The following MAP4K4 variants were observed in gnomAD, a reference collection of about 807,000 sequenced individuals.
MAP4K4 encodes the protein HPK/GCK-like kinase HGK.
A neutral mutation model predicts 189.6 loss-of-function variants in MAP4K4; 38 were observed. That is an observed-to-expected ratio of 0.20 (90% CI 0.15 to 0.26). MAP4K4 has a LOEUF of 0.26. MAP4K4 is among the 10% of genes least tolerant of loss of function. The probability of loss-of-function intolerance (pLI) is 1.00; values close to 1 mark genes in which losing one functional copy is unlikely to be tolerated. For synonymous variants in MAP4K4, 610 were observed against 624.3 expected, an observed-to-expected ratio of 0.98 and a Z score of 0.34; for missense variants, 1,054 against 1,726.9, an observed-to-expected ratio of 0.61 and a Z score of 6.91.
At chr2:101,776,546 A>G (rs2084228371) in intron 2 of MAP4K4, among the ~76,000 whole-genome samples, 1 of 151,558 alleles carries the variant, frequency 6.6e-6, no homozygotes, top group Non-Finnish European at 1.5e-5. Flanking sequence ...GGAATGTTCA[A>G]TTAAAAAGAC....
chr2:101,773,976 G>C (rs2082700514), intron 2 of MAP4K4, among the ~76,000 whole-genome samples: 1 of 152,128 alleles, frequency 6.6e-6, no homozygotes, highest in African/African-American at 2.4e-5. Flanking sequence ...TGGACACTTA[G>C]GTTGCTTCCA....
chr2:101,820,163 G>A (rs562543436), intron 3 of MAP4K4, among the ~76,000 whole-genome samples: 5 of 152,142 alleles, frequency 3.3e-5, no homozygotes, highest in Admixed American at 2.6e-4. Flanking sequence ...GAACCTAGTC[G>A]AATTATTTTA....
In MAP4K4 at chr2:101,747,413, C is replaced by T. The variant is rs889291371; in HGVS notation, c.124-43307C>T. On this transcript the variant is annotated intron_variant, in intron 2 of 32. Coordinates refer to ENST00000324219, the Ensembl canonical transcript of MAP4K4. Reference sequence around the variant, plus strand: ...GATTACATGCGTGAGTCACCATGCCCGGCCTTGTGTCCGTATTCTTAGTCA... The same window carrying T: ...GATTACATGCGTGAGTCACCATGCCTGGCCTTGTGTCCGTATTCTTAGTCA... Among the ~76,000 whole-genome samples the T allele has an allele frequency of 6.6e-5, 10 of 152,092 alleles. No homozygotes were observed. In the East Asian group the frequency reaches 1.5e-3, roughly 23 times the overall value.
At chr2:101,869,509 T>C (rs2097918173) in intron 21 of MAP4K4, 113 bp from the exon 22 acceptor site, 2 of 775,704 alleles carry the variant, frequency 2.6e-6, no homozygotes, top group East Asian at 5.4e-5. Flanking sequence ...ACTGGGTAAC[T>C]ATAAAAGTCT....
intron 25 of MAP4K4, 26 bp downstream of exon 25, chr2:101,873,790 A>AGCT: frequency 6.7e-7 from 1 of 1,498,442 alleles, no homozygotes; most frequent in Non-Finnish European, 9.3e-7. Context: ...ACAAGAAAGC[A>AGCT]GCTGACAAAT....
chr2:101,710,204 T>C (rs2044638669), intron 2 of MAP4K4, among the ~76,000 whole-genome samples: 2 of 152,214 alleles, frequency 1.3e-5, no homozygotes, highest in Non-Finnish European at 2.9e-5. Flanking sequence ...TGTGTACATT[T>C]AAGTGACACA....
intron 2 of MAP4K4, among the ~76,000 whole-genome samples, chr2:101,781,676 C>G (rs979538028): frequency 6.6e-6 from 1 of 152,234 alleles, no homozygotes; most frequent in African/African-American, 2.4e-5. Flanking sequence ...GCTCCCAACA[C>G]TGTTGCATTG....
intron 3 of MAP4K4, among the ~76,000 whole-genome samples, chr2:101,805,483 A>C (rs143866991): frequency 5.2e-4 from 79 of 152,324 alleles, no homozygotes; most frequent in Admixed American, 1.1e-3. Flanking sequence ...GTGTCCCACT[A>C]ACATCCAAGT....
intron 12 of MAP4K4, among the ~76,000 whole-genome samples, chr2:101,852,585 CGTATCCTGTTT>C (rs2097321384): frequency 6.6e-6 from 1 of 151,986 alleles, no homozygotes; most frequent in Non-Finnish European, 1.5e-5. Context: ...TTTTATATAG[CGTATCCTGTTT>C]GTAAGATGTT....
intron 2 of MAP4K4, among the ~76,000 whole-genome samples, chr2:101,769,044 GAGAA>G (rs1157535642): frequency 2.0e-5 from 3 of 152,228 alleles, no homozygotes; most frequent in Non-Finnish European, 1.5e-5. Flanking sequence ...ACTTTTAGAT[GAGAA>G]AGAAAACCTT....
chr2:101,881,232 T>C (rs2098380956), intron 27 of MAP4K4, among the ~76,000 whole-genome samples: 1 of 152,238 alleles, frequency 6.6e-6, no homozygotes, highest in Non-Finnish European at 1.5e-5. Flanking sequence ...TTTTAAGTAC[T>C]AGTATAAATG....
At chr2:101,747,015 C>T (rs535029529) in intron 2 of MAP4K4, among the ~76,000 whole-genome samples, 1 of 152,288 alleles carries the variant, frequency 6.6e-6, no homozygotes, top group Non-Finnish European at 1.5e-5. Flanking sequence ...GGTTGGCATC[C>T]TGACATCCTG....
At chr2:101,891,850 TGGGTGGGGCTTGGGAGATG>T (rs925599958) in exon 33 of MAP4K4, 8 of 119,996 alleles carry the variant, frequency 6.7e-5, no homozygotes, top group Non-Finnish European at 1.4e-4. Flanking sequence ...AACTTTTTTG[TGGGTGGGGCTTGGGAGATG>T]GGGTGGGGTG....
intron 2 of MAP4K4, among the ~76,000 whole-genome samples, chr2:101,716,208 C>T (rs2048264323): frequency 1.3e-5 from 2 of 152,160 alleles, no homozygotes; most frequent in Non-Finnish European, 2.9e-5. Context: ...CTTTGGGAGG[C>T]CGAGGTGGGC....
intron 3 of MAP4K4, among the ~76,000 whole-genome samples, chr2:101,815,303 A>G (rs1406615603): frequency 6.6e-6 from 1 of 152,196 alleles, no homozygotes; most frequent in Non-Finnish European, 1.5e-5. Flanking sequence ...GGATGGAAAC[A>G]TCTGTAATTC....
At chr2:101,760,706 A>G (rs1252848892) in intron 2 of MAP4K4, among the ~76,000 whole-genome samples, 1 of 152,018 alleles carries the variant, frequency 6.6e-6, no homozygotes, top group Non-Finnish European at 1.5e-5. Flanking sequence ...TGTTAGAATA[A>G]TATAAGAAAA....
At chr2:101,755,868 G>C (rs943433980) in intron 2 of MAP4K4, among the ~76,000 whole-genome samples, 4 of 147,380 alleles carry the variant, frequency 2.7e-5, no homozygotes, top group African/African-American at 7.5e-5. Flanking sequence ...TCTGTCTATA[G>C]TAGCTGTTAC....
chr2:101,756,240 C>T lies in MAP4K4; in HGVS notation c.124-34480C>T, dbSNP rs529806727. On this transcript the variant is annotated intron_variant, in intron 2 of 32. Coordinates refer to ENST00000324219, the Ensembl canonical transcript of MAP4K4. ...ATTAACAGGCGTGAGCCACTGTGCC[C>T]GGCTGACACCTTGATCTTAATGAAG... Among the ~76,000 whole-genome samples, 7 of 152,132 alleles carry T rather than the reference C, an allele frequency of 4.6e-5. No individual in the cohort carries two copies. In the East Asian group the frequency reaches 5.8e-4, roughly 13 times the overall value.
chr2:101,810,739 C>G (rs1250473545), intron 3 of MAP4K4, among the ~76,000 whole-genome samples: 6 of 152,154 alleles, frequency 3.9e-5, no homozygotes, highest in Non-Finnish European at 8.8e-5. Context: ...AGTTCTAAGA[C>G]TTACAGAACT....
Sources: allele counts gnomAD v4.1 joint callset (sites outside exome capture counted in the v4.1 genomes callset), GRCh38; gene constraint gnomAD v4.1.1; transcripts MANE v1.5; gene names NCBI Gene and HGNC (gene_info 2026-07-23, HGNC 2026-07-21).